SLC16A10: variants seen among roughly 807,000 people sequenced by gnomAD.
The protein encoded by SLC16A10 is solute carrier family 16 member 10.
SLC16A10 carries 27 observed loss-of-function variants against 40.0 expected under a neutral mutation model. The observed-to-expected ratio is 0.67, with a 90% confidence interval of 0.50 to 0.93. SLC16A10 has a LOEUF of 0.93. Ranked by LOEUF, SLC16A10 falls within the 40% of genes least tolerant of loss-of-function variation. The probability of loss-of-function intolerance (pLI) is 0.00; values close to 1 mark genes in which losing one functional copy is unlikely to be tolerated. For synonymous variants in SLC16A10, 213 were observed against 249.8 expected (o/e 0.85, Z 1.39); for missense variants, 529 against 658.2 (o/e 0.80, Z 2.15).
chr6:111,093,042 AAAAAAAAAAAAAAGAAAAG>A (rs1004082476), intron 1 of SLC16A10, among the ~76,000 whole-genome samples: 12 of 48,392 alleles, frequency 2.5e-4, no homozygotes, highest in Non-Finnish European at 1.3e-4. Context: ...ACTCCGTCTC[AAAAAAAAAAAAAAGAAAAG>A]AAAAAAAGAA....
intron 1 of SLC16A10, among the ~76,000 whole-genome samples, chr6:111,090,885 T>TA (rs1193991109): frequency 6.6e-6 from 1 of 152,068 alleles, no homozygotes; most frequent in Non-Finnish European, 1.5e-5. Context: ...ATCCTGGTGT[T>TA]AGAGTACAGC....
chr6:111,171,665 A>C (rs1772587659), intron 1 of SLC16A10, among the ~76,000 whole-genome samples: 1 of 152,086 alleles, frequency 6.6e-6, no homozygotes, highest in African/African-American at 2.4e-5. Flanking sequence ...AAAGTACAAA[A>C]ATTAGCCAGG....
chr6:111,162,388 T>G (rs1222649794), intron 1 of SLC16A10, among the ~76,000 whole-genome samples: 4 of 152,180 alleles, frequency 2.6e-5, no homozygotes, highest in African/African-American at 9.7e-5. Context: ...TAACATGGGG[T>G]TCCTGGGCCT....
At chr6:111,111,198 T>G (rs1771379251) in intron 1 of SLC16A10, among the ~76,000 whole-genome samples, 1 of 152,226 alleles carries the variant, frequency 6.6e-6, no homozygotes, top group African/African-American at 2.4e-5. Context: ...TTTTTTTGTT[T>G]TGACATTTAA....
rs1363599300 is a variant in SLC16A10 at position 111,177,532 on chromosome 6, T to C, written c.809T>C (p.Leu270Pro). Reference sequence around the variant, plus strand: ...GAGAGTGGAGGTAGCGGATCCTCCCTCTTTTCCAGGAAAAAGTTCAGTCCT... The same window carrying C: ...GAGAGTGGAGGTAGCGGATCCTCCCCCTTTTCCAGGAAAAAGTTCAGTCCT... The part of the protein sequence containing the change: ...DKESGGSGSS[L>P]FSRKKFSPPK... The change falls in exon 3 of 6, where the codon CTC (leucine) becomes CCC (proline). Residue 270 changes from leucine to proline, a missense_variant. By Grantham distance (98) the Leu-to-Pro change is moderately conservative. Coordinates refer to ENST00000368851, the MANE Select transcript of SLC16A10 (RefSeq NM_018593.5). 2 of 1,613,566 alleles carry C rather than the reference T, an allele frequency of 1.2e-6. No individual in the cohort carries two copies. The highest frequency in any genetic ancestry group is 1.7e-6 in the Non-Finnish European group (2 of 1,179,894).
chr6:111,181,013 G>A (rs999155503), intron 3 of SLC16A10, among the ~76,000 whole-genome samples: 2 of 152,080 alleles, frequency 1.3e-5, no homozygotes, highest in East Asian at 3.9e-4. Flanking sequence ...TCAGGAATTT[G>A]TGACCAGCCT....
At chr6:111,174,247 G>C (rs916835490) in intron 2 of SLC16A10, among the ~76,000 whole-genome samples, 4 of 152,054 alleles carry the variant, frequency 2.6e-5, no homozygotes, top group African/African-American at 2.4e-5. Flanking sequence ...CTGTCTTTAT[G>C]CTGCTTTAGT....
intron 1 of SLC16A10, among the ~76,000 whole-genome samples, chr6:111,131,200 G>T (rs968638709): frequency 1.3e-5 from 2 of 152,212 alleles, no homozygotes; most frequent in African/African-American, 4.8e-5. Flanking sequence ...CTCTGGATCC[G>T]GCAGGGTGTC....
Position 111,177,489 on chromosome 6 carries a change from A to T in SLC16A10, c.766A>T (p.Thr256Ser). The change falls in exon 3 of 6, where the codon ACC becomes TCC. Residue 256 changes from threonine (T) to serine (S), a missense_variant. Coordinates refer to ENST00000368851, the MANE Select transcript of SLC16A10 (RefSeq NM_018593.5). ...LAGFTYRPLATSTKDKESGGS... is the reference protein window; with the variant it reads ...LAGFTYRPLASSTKDKESGGS... ...TGGCTTTACTTACCGACCTCTTGCT[A>T]CCAGTACCAAAGATAAAGAGAGTGG... 1.2e-6 allele frequency: 2 copies of T among 1,614,086 alleles called. No individual in the cohort carries two copies. Among genetic ancestry groups the T allele is most frequent in the Non-Finnish European group, 1.7e-6 (2 of 1,180,004 alleles).
At chr6:111,177,131 C>A in intron 2 of SLC16A10, 81 bp from the exon 3 acceptor site, 1 of 1,000,400 alleles carries the variant, frequency 1.0e-6, no homozygotes, top group Non-Finnish European at 1.3e-6. Context: ...CAAAAACCCA[C>A]TTATACTATA....
intron 1 of SLC16A10, among the ~76,000 whole-genome samples, chr6:111,113,809 C>A (rs1216764122): frequency 6.6e-6 from 1 of 152,164 alleles, no homozygotes; most frequent in Non-Finnish European, 1.5e-5. Flanking sequence ...GTCGCCCTTT[C>A]TTTGTCCCTC....
chr6:111,205,863 G>T (rs867624069), intron 3 of SLC16A10, among the ~76,000 whole-genome samples: 12 of 152,152 alleles, frequency 7.9e-5, no homozygotes, highest in Non-Finnish European at 1.6e-4. Context: ...CGTTTCAGGG[G>T]TGTCAATTTG....
At chr6:111,139,249 A>AT (rs1342365868) in intron 1 of SLC16A10, among the ~76,000 whole-genome samples, 2 of 151,014 alleles carry the variant, frequency 1.3e-5, no homozygotes, top group East Asian at 3.9e-4. Flanking sequence ...TTTCTTCTTA[A>AT]TTTTTTTCTT....
At chr6:111,114,120 A>G (rs532655605) in intron 1 of SLC16A10, among the ~76,000 whole-genome samples, 30 of 151,690 alleles carry the variant, frequency 2.0e-4, no homozygotes, top group Middle Eastern at 3.4e-3. Flanking sequence ...CTTGTTTTGT[A>G]TACCTTTTCT....
intron 4 of SLC16A10, 92 bp from the exon 5 acceptor site, chr6:111,218,722 C>G (rs77627779): frequency 0.09 from 91,126 of 1,011,946 alleles, 5,011 homozygotes; most frequent in Middle Eastern, 0.14. Flanking sequence ...AAAGGGGGAA[C>G]CAGTAATGAC....
At chr6:111,128,847 T>C (rs1471458052) in intron 1 of SLC16A10, among the ~76,000 whole-genome samples, 1 of 152,072 alleles carries the variant, frequency 6.6e-6, no homozygotes, top group African/African-American at 2.4e-5. Context: ...ATTTTTCATA[T>C]TCATATTTTT....
chr6:111,204,180 T>G (rs434034), intron 3 of SLC16A10, among the ~76,000 whole-genome samples: 1 of 152,100 alleles, frequency 6.6e-6, no homozygotes, highest in African/African-American at 2.4e-5. Flanking sequence ...CCATGAGGAA[T>G]GTGGGCCAAA....
At position 111,218,849 on chromosome 6, in the gene SLC16A10, G is replaced by T; in HGVS notation, c.1122G>T (p.Met374Ile). The T allele has an allele frequency of 6.2e-7, 1 of 1,614,174 alleles. No individual in the cohort carries two copies. ...TTTTCTTCATTGGTCTGATGTCCAT[G>T]ATGATTCCTCTGTGTAGCATCTTTG... ...LSFFFIGLMSMMIPLCSIFGA... is the reference protein window; with the variant it reads ...LSFFFIGLMSIMIPLCSIFGA... Residue 374 changes from methionine to isoleucine, a missense_variant, in exon 5 of 6, where the codon ATG (methionine) becomes ATT (isoleucine). Transcript: ENST00000368851.
At chr6:111,108,715 A>T (rs1355198563) in intron 1 of SLC16A10, among the ~76,000 whole-genome samples, 2 of 152,196 alleles carry the variant, frequency 1.3e-5, no homozygotes, top group South Asian at 4.1e-4. Flanking sequence ...TGAGGTTTCC[A>T]TTCAGGAGGT....
Sources: gnomAD v4.1 joint callset for allele counts (sites outside exome capture counted in the v4.1 genomes callset) on GRCh38, gnomAD v4.1.1 for gene constraint, MANE v1.5 for transcripts, NCBI Gene and HGNC (gene_info 2026-07-23, HGNC 2026-07-21) for gene names.